TTC28: variants seen among roughly 807,000 people sequenced by gnomAD.
The protein encoded by TTC28 is tetratricopeptide repeat domain 28, also known as tetratricopeptide repeat protein 28.
Under a neutral mutation model 198.0 loss-of-function variants are expected in TTC28, and 61 were observed. The observed-to-expected ratio is 0.31, with a 90% confidence interval of 0.25 to 0.38. The LOEUF is 0.38. TTC28 is among the 10% of genes least tolerant of loss of function. The pLI is 1.00. For synonymous variants in TTC28, 1,171 were observed against 1,297.8 expected, an observed-to-expected ratio of 0.90 and a Z score of 2.10; for missense variants, 2,678 against 3,164.0, an observed-to-expected ratio of 0.85 and a Z score of 3.69.
intron 6 of TTC28, among the ~76,000 whole-genome samples, chr22:28,132,460 C>A (rs982865168): frequency 6.6e-6 from 1 of 152,200 alleles, no homozygotes; most frequent in Non-Finnish European, 1.5e-5. Flanking sequence ...CAGTATAAAT[C>A]TGTTGTGTGA....
At chr22:28,486,886 T>C (rs967269441) in intron 2 of TTC28, among the ~76,000 whole-genome samples, 3 of 152,188 alleles carry the variant, frequency 2.0e-5, no homozygotes, top group African/African-American at 4.8e-5. Context: ...TCTGGCTCTT[T>C]CCTTAATAAA....
chr22:28,402,551 T>C (rs1043856471), intron 2 of TTC28, among the ~76,000 whole-genome samples: 1 of 152,156 alleles, frequency 6.6e-6, no homozygotes, highest in Non-Finnish European at 1.5e-5. Flanking sequence ...AGGCCCTACT[T>C]TTTTTTAGGC....
At chr22:28,314,148 C>T (rs1334095873) in intron 2 of TTC28, among the ~76,000 whole-genome samples, 1 of 152,158 alleles carries the variant, frequency 6.6e-6, no homozygotes, top group Non-Finnish European at 1.5e-5. Flanking sequence ...AGGAATATAA[C>T]TTACAAGGGA....
At chr22:28,061,266 G>T (rs1940525767) in intron 12 of TTC28, among the ~76,000 whole-genome samples, 1 of 152,130 alleles carries the variant, frequency 6.6e-6, no homozygotes, top group Non-Finnish European at 1.5e-5. Context: ...CATTGCTTTT[G>T]GTGTTTTAGA....
rs540133850 is a variant in TTC28, at chr22:28,255,404, C to T, written c.933+40794G>A. ...ACTTGTATTAAAAAGACAGGCAGCC[C>T]GGGCGCAGTGGCTCACACCTGTAAT... On this transcript the variant is annotated intron_variant, in intron 5 of 22. Coordinates refer to ENST00000397906, the MANE Select transcript of TTC28 (RefSeq NM_001145418.2). Among the ~76,000 whole-genome samples the T allele has an allele frequency of 1.1e-4, 16 of 152,198 alleles. No homozygotes were observed. In the East Asian group the frequency reaches 1.2e-3, roughly 11 times the overall value.
At chr22:28,499,777 T>C (rs761717897) in intron 2 of TTC28, among the ~76,000 whole-genome samples, 1 of 152,204 alleles carries the variant, frequency 6.6e-6, no homozygotes, top group Non-Finnish European at 1.5e-5. Context: ...CTATAATTTT[T>C]AATCTTTTTA....
intron 6 of TTC28, among the ~76,000 whole-genome samples, chr22:28,111,191 T>C (rs571296367): frequency 6.6e-6 from 1 of 152,272 alleles, no homozygotes; most frequent in Admixed American, 6.5e-5. Flanking sequence ...GACGAACATA[T>C]AAACCTTGGT....
At chr22:28,312,034 C>CAA (rs200319220) in intron 2 of TTC28, among the ~76,000 whole-genome samples, 29 of 90,074 alleles carry the variant, frequency 3.2e-4, no homozygotes, top group South Asian at 1.6e-3. Context: ...AAATAGAAAG[C>CAA]AAAAAAAAAA....
Position 28,614,859 on chromosome 22 carries a change from A to C in TTC28, c.381+14693T>G, listed in dbSNP as rs146882280. The stretch of plus-strand genomic sequence containing the variant: ...AAAAACCCTAGAAGAAAACCTAGGC[A>C]ACAGCATTTAAGACATAGGCTTCGG... On this transcript the variant is annotated intron_variant, in intron 2 of 22. Transcript: ENST00000397906. 1.1e-3 allele frequency among the ~76,000 whole-genome samples: 165 copies of C among 152,378 alleles called. No homozygotes were observed. The East Asian group carries it at 0.029, about 27-fold the overall frequency.
At chr22:28,304,608 C>A (rs980417759) in intron 3 of TTC28, among the ~76,000 whole-genome samples, 1 of 152,138 alleles carries the variant, frequency 6.6e-6, no homozygotes, top group Non-Finnish European at 1.5e-5. Context: ...GTAGAGAAAA[C>A]CCTAAGGGCG....
At chr22:28,036,622 AGCAAACACGTTCAAAAACTAGCAGAAG>A (rs1347733712) in intron 12 of TTC28, among the ~76,000 whole-genome samples, 1 of 152,230 alleles carries the variant, frequency 6.6e-6, no homozygotes, top group African/African-American at 2.4e-5. Flanking sequence ...GAGAAGCAAG[AGCAAACACGTTCAAAAACTAGCAGAAG>A]GCAAGAAGTA....
At chr22:28,212,151 C>T (rs1927028493) in intron 5 of TTC28, among the ~76,000 whole-genome samples, 3 of 152,060 alleles carry the variant, frequency 2.0e-5, no homozygotes, top group Non-Finnish European at 4.4e-5. Context: ...ATTTATAGCA[C>T]TAAATGCCCA....
chr22:28,603,567 T>C (rs2050678104), intron 2 of TTC28, among the ~76,000 whole-genome samples: 1 of 152,060 alleles, frequency 6.6e-6, no homozygotes, highest in Admixed American at 6.6e-5. Context: ...CTTTTTTAAA[T>C]TATTTTTTGT....
intron 2 of TTC28, among the ~76,000 whole-genome samples, chr22:28,424,490 T>C (rs2047315723): frequency 6.6e-6 from 1 of 152,232 alleles, no homozygotes; most frequent in Non-Finnish European, 1.5e-5. Flanking sequence ...TTCCTAACTA[T>C]ACTCTGACAG....
chr22:28,238,276 T>C (rs1929395702), intron 5 of TTC28, among the ~76,000 whole-genome samples: 1 of 152,190 alleles, frequency 6.6e-6, no homozygotes, highest in Non-Finnish European at 1.5e-5. Context: ...CTTGGTCTTT[T>C]TTCCTTTGCT....
At chr22:27,987,759 GC>G (rs2146508781) in intron 21 of TTC28, among the ~76,000 whole-genome samples, 1 of 152,300 alleles carries the variant, frequency 6.6e-6, no homozygotes, top group African/African-American at 2.4e-5. Flanking sequence ...CTCACTCGTG[GC>G]AGTGCCCCCC....
At chr22:28,605,349 C>T (rs2050712410) in intron 2 of TTC28, among the ~76,000 whole-genome samples, 1 of 152,152 alleles carries the variant, frequency 6.6e-6, no homozygotes. Context: ...TAAACAATGA[C>T]CAGTGGCCTT....
rs1942350372 is a variant in TTC28, at chr22:28,107,612, G to A, written c.2233C>T (p.His745Tyr). 1 of 1,551,592 alleles carries A rather than the reference G, an allele frequency of 6.4e-7. No homozygotes were observed. Among genetic ancestry groups the A allele is most frequent in the African/African-American group, 1.4e-5 (1 of 73,018 alleles). The change falls in exon 7 of 23, where the codon CAC (histidine) becomes TAC (tyrosine). Residue 745 changes from histidine to tyrosine, a missense_variant. Transcript: ENST00000397906. ...KFYEQQLGLA[H>Y]QVKDRRLEAS... ...TCTAATCTTCTGTCCTTTACCTGGT[G>A]AGCTAAGCCCAGTTGCTGCTCATAG...
At chr22:28,207,994 T>C (rs1274031303) in intron 5 of TTC28, among the ~76,000 whole-genome samples, 1 of 152,166 alleles carries the variant, frequency 6.6e-6, no homozygotes, top group Non-Finnish European at 1.5e-5. Flanking sequence ...ATGCTGCATC[T>C]ATGACTACTC....
Sources: gnomAD v4.1 joint callset for allele counts (sites outside exome capture counted in the v4.1 genomes callset) on GRCh38, gnomAD v4.1.1 for gene constraint, MANE v1.5 for transcripts, NCBI Gene and HGNC (gene_info 2026-07-23, HGNC 2026-07-21) for gene names.